FER: variants seen among roughly 807,000 people sequenced by gnomAD.
FER encodes the protein tyrosine-protein kinase Fer.
In FER, 63 loss-of-function variants were observed where a neutral mutation model predicts 111.0. That is an observed-to-expected ratio of 0.57 (90% CI 0.46 to 0.70). The LOEUF (loss-of-function observed/expected upper bound fraction) is 0.70. Ranked by LOEUF, FER falls within the 30% of genes least tolerant of loss-of-function variation. The pLI, the probability that FER is intolerant of heterozygous loss-of-function variation, is 0.00. For missense variants in FER, 914 were observed against 954.0 expected, an observed-to-expected ratio of 0.96 and a Z score of 0.55; for synonymous variants, 327 against 313.9, an observed-to-expected ratio of 1.04 and a Z score of -0.44.
intron 16 of FER, 141 bp from the exon 17 acceptor site, chr5:109,100,255 A>G: frequency 1.2e-6 from 1 of 845,136 alleles, no homozygotes; most frequent in East Asian, 2.7e-5. Context: ...TGTTATCCTC[A>G]CGTCAAACAA....
In FER at chr5:108,778,404, A is replaced by G. The variant is rs6873970; in HGVS notation, c.-60+10166A>G. Among the ~76,000 whole-genome samples, 562 of 152,334 alleles carry G rather than the reference A, an allele frequency of 3.7e-3. 4 individuals carry two copies. The highest frequency in any genetic ancestry group is 0.011 in the African/African-American group (475 of 41,582). ...ATGTTTAGTTTTGTAAGAAACTGCC[A>G]AACTGTCTTCCAAAGTGGCCATACC... On this transcript the variant is annotated intron_variant, in intron 2 of 19. Transcript: ENST00000281092.
intron 13 of FER, among the ~76,000 whole-genome samples, chr5:109,015,991 C>A (rs567545403): frequency 2.1e-4 from 32 of 152,080 alleles, no homozygotes; most frequent in African/African-American, 7.5e-4. Flanking sequence ...ATTTCCTTTG[C>A]TCCTCTTGGA....
intron 3 of FER, chr5:108,820,607 C>G: frequency 1.1e-6 from 1 of 912,302 alleles, no homozygotes. Flanking sequence ...GTAGTAATAT[C>G]CCGGTAGTCA....
intron 16 of FER, among the ~76,000 whole-genome samples, chr5:109,097,684 G>A (rs1482359330): frequency 6.6e-6 from 1 of 151,862 alleles, no homozygotes; most frequent in Non-Finnish European, 1.5e-5. Flanking sequence ...ACTTAGTGGT[G>A]ATAATCGAGT....
intron 13 of FER, among the ~76,000 whole-genome samples, chr5:108,998,073 G>A (rs932174212): frequency 2.0e-5 from 3 of 151,486 alleles, no homozygotes; most frequent in Admixed American, 2.0e-4. Flanking sequence ...GCCAGGCTCC[G>A]TGGGTGTGGG....
chr5:109,119,962 G>A (rs1450074083), intron 17 of FER, among the ~76,000 whole-genome samples: 1 of 151,876 alleles, frequency 6.6e-6, no homozygotes, highest in East Asian at 1.9e-4. Context: ...TATTTTTAAA[G>A]TGGATCATTA....
intron 16 of FER, among the ~76,000 whole-genome samples, chr5:109,048,835 C>G (rs1581792977): frequency 1.2e-4 from 1 of 8,670 alleles, no homozygotes; most frequent in African/African-American, 7.7e-4. Context: ...TGTTTCAGAT[C>G]TTGCTTTTTT....
chr5:109,184,047 T>C (rs1383567488), intron 18 of FER, among the ~76,000 whole-genome samples: 1 of 152,180 alleles, frequency 6.6e-6, no homozygotes, highest in Non-Finnish European at 1.5e-5. Flanking sequence ...TTGGCATATA[T>C]TGCTACCATC....
chr5:109,085,024 G>A (rs1398282951), intron 16 of FER, among the ~76,000 whole-genome samples: 1 of 151,784 alleles, frequency 6.6e-6, no homozygotes, highest in East Asian at 1.9e-4. Flanking sequence ...ACTCCTCACA[G>A]TTTGTTCTTC....
At chr5:109,007,244 T>C (rs1765615646) in intron 13 of FER, among the ~76,000 whole-genome samples, 1 of 152,212 alleles carries the variant, frequency 6.6e-6, no homozygotes, top group South Asian at 2.1e-4. Context: ...TAACCCAAAG[T>C]AGGAGACATC....
In FER at chr5:109,072,242, C is replaced by T. The variant is rs529662787; in HGVS notation, c.1924+25044C>T. Among the ~76,000 whole-genome samples, 13 of 151,494 alleles carry T rather than the reference C, an allele frequency of 8.6e-5. 1 individual carries two copies. In the South Asian group the frequency reaches 2.5e-3, roughly 29 times the overall value. On this transcript the variant is annotated intron_variant, in intron 16 of 19. Transcript: ENST00000281092. Reference sequence around the variant, plus strand: ...TAAAAACATGACAGAAAAAAAACCTCTTTCTATTCTATGCTCGCAAATGAA... The same window carrying T: ...TAAAAACATGACAGAAAAAAAACCTTTTTCTATTCTATGCTCGCAAATGAA...
chr5:109,039,450 A>G (rs1179461480), intron 14 of FER, among the ~76,000 whole-genome samples: 1 of 152,166 alleles, frequency 6.6e-6, no homozygotes, highest in Non-Finnish European at 1.5e-5. Context: ...AAGATAAACA[A>G]TAAGCATAAT....
At chr5:108,765,002 A>G (rs549425682) in intron 1 of FER, among the ~76,000 whole-genome samples, 1 of 152,282 alleles carries the variant, frequency 6.6e-6, no homozygotes, top group African/African-American at 2.4e-5. Context: ...CCCTAGTCCC[A>G]TTTGTGAAGA....
In FER at chr5:109,191,786, A is replaced by G. The variant is rs1562017786; in HGVS notation, c.*4211A>G. On this transcript the variant is annotated 3_prime_UTR_variant, in exon 20 of 20. Coordinates refer to ENST00000281092, the MANE Select transcript of FER (RefSeq NM_005246.4). Reference sequence around the variant, plus strand: ...TTTTCTATGTTTTGATTAGTTTCACATCAAGTCTGAATACTATATTTTGGA... The same window carrying G: ...TTTTCTATGTTTTGATTAGTTTCACGTCAAGTCTGAATACTATATTTTGGA... 6.6e-6 allele frequency: 1 copy of G among 152,128 alleles called. No individual in the cohort carries two copies. The highest frequency in any genetic ancestry group is 1.5e-5 in the Non-Finnish European group (1 of 68,000). The allele number at this position is 152,128 out of a possible 1,614,324, so 9.4% of individuals were successfully genotyped here.
At chr5:108,839,856 C>T (rs1272014741) in intron 5 of FER, among the ~76,000 whole-genome samples, 1 of 151,998 alleles carries the variant, frequency 6.6e-6, no homozygotes, top group Non-Finnish European at 1.5e-5. Flanking sequence ...GGATTACAGG[C>T]GTGAGCCACC....
In FER at chr5:108,847,007, T is replaced by G. The variant is rs540402174; in HGVS notation, c.481+11200T>G. Among the ~76,000 whole-genome samples, 61 of 152,010 alleles carry G rather than the reference T, an allele frequency of 4.0e-4. No homozygotes were observed. The South Asian group carries it at 0.012, about 31-fold the overall frequency. ...TTTTGTGATTTCTACTTTAACACTT[T>G]CTGCTTTGTCCTTATTTCCTTCCTT... On this transcript the variant is annotated intron_variant, in intron 5 of 19. Transcript: ENST00000281092.
At chr5:108,920,428 A>T (rs952509650) in intron 10 of FER, among the ~76,000 whole-genome samples, 1 of 152,146 alleles carries the variant, frequency 6.6e-6, no homozygotes, top group Admixed American at 6.5e-5. Context: ...ATTGTCTTCA[A>T]ATTTGGTCAC....
intron 16 of FER, chr5:109,052,260 A>G (rs1772941798): frequency 6.2e-6 from 10 of 1,606,424 alleles, no homozygotes; most frequent in African/African-American, 1.3e-5. Context: ...AAGACTTGTC[A>G]TAGCAGACAT....
At chr5:109,044,540 T>G in intron 14 of FER, 140 bp from the exon 15 acceptor site, 2 of 500,050 alleles carry the variant, frequency 4.0e-6, no homozygotes, top group South Asian at 7.8e-5. Context: ...GAAGTTCGTA[T>G]GTCTGATAGA....
Sources: gnomAD v4.1 joint callset for allele counts (sites outside exome capture counted in the v4.1 genomes callset) on GRCh38, gnomAD v4.1.1 for gene constraint, MANE v1.5 for transcripts, NCBI Gene and HGNC (gene_info 2026-07-23, HGNC 2026-07-21) for gene names.